The following IPO11 variants were observed in gnomAD, a reference collection of about 807,000 sequenced individuals.
IPO11 encodes the protein importin-11.
Under a neutral mutation model 143.2 loss-of-function variants are expected in IPO11, and 66 were observed. The observed-to-expected ratio is 0.46, with a 90% CI of 0.38 to 0.57. The LOEUF (loss-of-function observed/expected upper bound fraction) is 0.57. Among genes scored for constraint, IPO11 ranks in the 20% least tolerant of loss-of-function variants. IPO11 has a pLI of 0.00. For missense variants in IPO11, 1,026 were observed against 1,141.0 expected (o/e 0.90, Z 1.45); for synonymous variants, 385 against 377.8 (o/e 1.02, Z -0.22).
Position 62,530,776 on chromosome 5 carries a change from C to T in IPO11, c.2080C>T (p.Pro694Ser). The change falls in exon 22 of 30, where the codon CCA becomes TCA. Residue 694 changes from proline to serine, a missense_variant. Around this residue, in one of 5 missense-constraint regions of IPO11, gnomAD observed 351 missense variants for 358.9 expected, o/e 0.98. Coordinates refer to ENST00000325324, the MANE Select transcript of IPO11 (RefSeq NM_016338.5). ...GCTTCGTATATTTCAGAATATGTCA[C>T]CACTTCTTGGTATGTGTTAAAGCAT... The part of the protein sequence containing the change: ...ELLRIFQNMS[P>S]LLELSSENLR... 1 of 1,609,162 alleles carries T rather than the reference C, an allele frequency of 6.2e-7. No individual in the cohort carries two copies. Among genetic ancestry groups the T allele is most frequent in the Non-Finnish European group, 8.5e-7 (1 of 1,175,836 alleles).
intron 3 of IPO11, among the ~76,000 whole-genome samples, chr5:62,449,311 C>T (rs926966116): frequency 3.9e-5 from 6 of 152,158 alleles, no homozygotes; most frequent in African/African-American, 1.2e-4. Flanking sequence ...CTTTCTCATA[C>T]GCAGTCAAAA....
chr5:62,616,960 T>TA (rs544010572), intron 29 of IPO11, among the ~76,000 whole-genome samples: 1 of 152,194 alleles, frequency 6.6e-6, no homozygotes, highest in African/African-American at 2.4e-5. Flanking sequence ...GACCCATTAT[T>TA]AAACTTTCTT....
chr5:62,543,173 T>A (rs1188383681), intron 24 of IPO11, among the ~76,000 whole-genome samples: 4 of 152,228 alleles, frequency 2.6e-5, no homozygotes, highest in Admixed American at 1.3e-4. Flanking sequence ...TTAATCACTT[T>A]GTATGCAGTG....
At chr5:62,604,168 A>G (rs891451969) in intron 29 of IPO11, among the ~76,000 whole-genome samples, 1 of 152,164 alleles carries the variant, frequency 6.6e-6, no homozygotes, top group Non-Finnish European at 1.5e-5. Context: ...ATATATCTCG[A>G]GAAGTATTTT....
At chr5:62,454,670 C>A (rs1160263156) in intron 5 of IPO11, among the ~76,000 whole-genome samples, 2 of 152,098 alleles carry the variant, frequency 1.3e-5, no homozygotes, top group African/African-American at 4.8e-5. Context: ...TAATTAGCAT[C>A]TTGTAGTTAC....
chr5:62,449,245 G>A (rs995311876), intron 3 of IPO11, among the ~76,000 whole-genome samples: 2 of 152,156 alleles, frequency 1.3e-5, no homozygotes, highest in African/African-American at 4.8e-5. Flanking sequence ...TATTCAACAT[G>A]TATACAGTCT....
chr5:62,526,392 T>C (rs1274908310), intron 21 of IPO11, 135 bp downstream of exon 21: 2 of 603,464 alleles, frequency 3.3e-6, no homozygotes, highest in East Asian at 5.9e-5. Context: ...AACTGGGGCA[T>C]ATATCTCCTT....
chr5:62,514,603 CGGGAGAGGGAGAGGGAGA>C (rs147517248), intron 19 of IPO11, among the ~76,000 whole-genome samples: 21 of 132,332 alleles, frequency 1.6e-4, no homozygotes, highest in Admixed American at 1.0e-3. Context: ...GAGAGGGAGA[CGGGAGAGGGAGAGGGAGA>C]GGGAGAGGGA....
At chr5:62,446,301 T>C (rs1281117265) in intron 3 of IPO11, among the ~76,000 whole-genome samples, 2 of 152,214 alleles carry the variant, frequency 1.3e-5, no homozygotes, top group African/African-American at 4.8e-5. Flanking sequence ...CCAGAAACTT[T>C]TACACACATG....
At chr5:62,466,848 A>G (rs1157332337) in intron 5 of IPO11, among the ~76,000 whole-genome samples, 1 of 152,236 alleles carries the variant, frequency 6.6e-6, no homozygotes, top group Non-Finnish European at 1.5e-5. Context: ...TAGAATATAT[A>G]AGACTGCAAT....
chr5:62,608,122 C>T (rs1745794288), intron 29 of IPO11, among the ~76,000 whole-genome samples: 2 of 152,168 alleles, frequency 1.3e-5, no homozygotes, highest in South Asian at 4.1e-4. Flanking sequence ...CCTGGCCTCT[C>T]ATGCCACATC....
chr5:62,531,054 GTC>G, intron 22 of IPO11, among the ~76,000 whole-genome samples: 1 of 152,122 alleles, frequency 6.6e-6, no homozygotes, highest in East Asian at 1.9e-4. Context: ...AGTCTGCAGT[GTC>G]TATTTTTGCC....
At chr5:62,586,768 A>T (rs11957601) in intron 27 of IPO11, among the ~76,000 whole-genome samples, 2,985 of 28,370 alleles carry the variant, frequency 0.11, 261 homozygotes, top group Non-Finnish European at 0.13. Context: ...AAAAAAAAAA[A>T]ATATATATAT....
chr5:62,594,152 G>T (rs1331789257), intron 28 of IPO11, among the ~76,000 whole-genome samples: 1 of 152,154 alleles, frequency 6.6e-6, no homozygotes, highest in Non-Finnish European at 1.5e-5. Flanking sequence ...GTGTACTAGG[G>T]TTCTCCAGAG....
intron 18 of IPO11, among the ~76,000 whole-genome samples, chr5:62,505,929 G>C (rs755498631): frequency 5.3e-5 from 8 of 152,146 alleles, no homozygotes; most frequent in Admixed American, 1.3e-4. Flanking sequence ...ACTGTTAACA[G>C]TTTAGTTAAC....
intron 3 of IPO11, among the ~76,000 whole-genome samples, chr5:62,449,444 A>G (rs1306185269): frequency 1.3e-5 from 2 of 152,080 alleles, no homozygotes; most frequent in Non-Finnish European, 2.9e-5. Context: ...CCATAGAATA[A>G]TCTCACACAG....
chr5:62,577,444 T>A (rs1023986700), intron 27 of IPO11, among the ~76,000 whole-genome samples: 13 of 152,166 alleles, frequency 8.5e-5, no homozygotes, highest in African/African-American at 2.9e-4. Flanking sequence ...TCTTTAATTT[T>A]ATTTTTATTT....
intron 2 of IPO11, among the ~76,000 whole-genome samples, chr5:62,441,260 C>T (rs1289240206): frequency 1.3e-5 from 2 of 151,962 alleles, no homozygotes; most frequent in African/African-American, 2.4e-5. Context: ...TGCAATGGTG[C>T]GATCTCAGCT....
rs1260162704 is a variant in IPO11 at position 62,494,049 on chromosome 5, T to C, written c.1515T>C (p.Ser505=). 1.2e-6 allele frequency: 2 copies of C among 1,613,486 alleles called. No homozygotes were observed. ...RVIWLIGQWI[S]VKFKSDLRPM... ...TTTGGCTCATCGGTCAGTGGATTTC[T>C]GTGAAATTCAAGTCTGACTTAAGAC... is the stretch of plus-strand genomic sequence containing the variant. Residue 505 remains serine, a synonymous_variant, in exon 16 of 30, where the codon TCT becomes TCC. Coordinates refer to ENST00000325324, the MANE Select transcript of IPO11 (RefSeq NM_016338.5).
Sources: gnomAD v4.1 joint callset for allele counts (sites outside exome capture counted in the v4.1 genomes callset) on GRCh38, gnomAD v4.1.1 for gene constraint, gnomAD v4.1.1 regional missense constraint, MANE v1.5 for transcripts, NCBI Gene and HGNC (gene_info 2026-07-23, HGNC 2026-07-21) for gene names.